The following PTPRJ variants were observed in gnomAD, a reference collection of about 807,000 sequenced individuals.
The protein encoded by PTPRJ is receptor-type tyrosine-protein phosphatase eta.
In PTPRJ, 129 loss-of-function variants were observed where a neutral mutation model predicts 141.3. That is an observed-to-expected ratio of 0.91 (90% CI 0.79 to 1.06). The LOEUF (loss-of-function observed/expected upper bound fraction) is 1.06, where lower values mean the gene tolerates loss of function less well. Among genes scored for constraint, PTPRJ ranks in the 50% least tolerant of loss-of-function variants. The pLI, the probability that PTPRJ is intolerant of heterozygous loss-of-function variation, is 0.00. For missense variants in PTPRJ, 1,601 were observed against 1,679.7 expected (o/e 0.95, Z 0.82); for synonymous variants, 610 against 640.5 (o/e 0.95, Z 0.72).
chr11:48,127,003 G>A (rs550196033), intron 6 of PTPRJ, among the ~76,000 whole-genome samples: 1 of 152,192 alleles, frequency 6.6e-6, no homozygotes, highest in Non-Finnish European at 1.5e-5. Context: ...AGTGAGAGCT[G>A]GGGCAGTGGT....
chr11:48,117,962 G>A (rs1318924885), intron 3 of PTPRJ, among the ~76,000 whole-genome samples: 2 of 152,024 alleles, frequency 1.3e-5, no homozygotes, highest in African/African-American at 2.4e-5. Flanking sequence ...TAGAAGAAAT[G>A]GATAAATTCC....
chr11:48,047,573 A>T (rs1436629947), intron 1 of PTPRJ, among the ~76,000 whole-genome samples: 1 of 150,328 alleles, frequency 6.7e-6, no homozygotes, highest in Non-Finnish European at 1.5e-5. Context: ...GTGGGATCTC[A>T]GCTCACTGCA....
chr11:48,016,484 C>T lies in PTPRJ; in HGVS notation c.96+35476C>T, dbSNP rs140110891. Among the ~76,000 whole-genome samples, 47 of 152,318 alleles carry T rather than the reference C, an allele frequency of 3.1e-4. 2 individuals carry two copies. Among genetic ancestry groups the T allele is most frequent in the African/African-American group, 8.4e-4 (35 of 41,574 alleles). On this transcript the variant is annotated intron_variant, in intron 1 of 24. Coordinates refer to ENST00000418331, the MANE Select transcript of PTPRJ (RefSeq NM_002843.4). ...GCCAGACAGTTCCAATGTGAACCCA[C>T]GGTACCTTCTGCGGGAGAAAAGGTG...
At chr11:48,125,220 A>T (rs372253165) in intron 6 of PTPRJ, 34 bp downstream of exon 6, 1 of 1,600,682 alleles carries the variant, frequency 6.2e-7, no homozygotes, top group Non-Finnish European at 8.6e-7. Context: ...TGGCAGCCAG[A>T]GTTTCCTAGC....
rs572867155 is a variant in PTPRJ at position 48,024,952 on chromosome 11, G to C, written c.96+43944G>C. 2.3e-3 allele frequency among the ~76,000 whole-genome samples: 356 copies of C among 152,352 alleles called. 1 individual carries two copies. The highest frequency in any genetic ancestry group is 4.0e-3 in the Non-Finnish European group (272 of 68,034). ...CTCGGGTGATAGAAGGGAAAGTAAA[G>C]GTATATTAAATTTCTTCTAGGCTTG... is the stretch of plus-strand genomic sequence containing the variant. On this transcript the variant is annotated intron_variant, in intron 1 of 24. Coordinates refer to ENST00000418331, the MANE Select transcript of PTPRJ (RefSeq NM_002843.4).
chr11:48,038,272 C>T (rs1023663115), intron 1 of PTPRJ, among the ~76,000 whole-genome samples: 1 of 152,072 alleles, frequency 6.6e-6, no homozygotes, highest in Middle Eastern at 3.2e-3. Flanking sequence ...CTTAATACTT[C>T]CAGTGGTGAG....
chr11:48,155,020 C>A (rs370798286), intron 19 of PTPRJ, among the ~76,000 whole-genome samples: 1 of 152,118 alleles, frequency 6.6e-6, no homozygotes, highest in Non-Finnish European at 1.5e-5. Flanking sequence ...CAATCAGAGA[C>A]GGGGAAACTG....
At chr11:48,092,503 CA>C in intron 1 of PTPRJ, among the ~76,000 whole-genome samples, 1 of 151,650 alleles carries the variant, frequency 6.6e-6, no homozygotes, top group South Asian at 2.1e-4. Context: ...GATCTTGGCT[CA>C]CTGCAACTTC....
At chr11:48,152,907 C>T (rs1276394196) in intron 18 of PTPRJ, among the ~76,000 whole-genome samples, 1 of 152,188 alleles carries the variant, frequency 6.6e-6, no homozygotes, top group African/African-American at 2.4e-5. Context: ...CTTGGCAGTG[C>T]AGGCTTGTAA....
intron 1 of PTPRJ, among the ~76,000 whole-genome samples, chr11:48,021,313 G>A (rs1219077901): frequency 1.3e-5 from 2 of 151,868 alleles, no homozygotes; most frequent in African/African-American, 4.8e-5. Flanking sequence ...GGCGGAGGTT[G>A]CAGTGAGCCA....
At chr11:48,126,239 C>T (rs891010600) in intron 6 of PTPRJ, among the ~76,000 whole-genome samples, 4 of 151,866 alleles carry the variant, frequency 2.6e-5, no homozygotes, top group Non-Finnish European at 5.9e-5. Flanking sequence ...GCCTGGGGTC[C>T]CTGCTTTTTA....
In PTPRJ at chr11:48,117,794, T is replaced by G. The variant is rs1468118873; in HGVS notation, c.353-3209T>G. ...AGAAAAGATCAATAAACTAAGTTGT[T>G]TTTTTGAAAACAAAGAACATTGACA... On this transcript the variant is annotated intron_variant, in intron 3 of 24. Transcript: ENST00000418331. Among the ~76,000 whole-genome samples, 3 of 151,936 alleles carry G rather than the reference T, an allele frequency of 2.0e-5. No homozygotes were observed. In the East Asian group the frequency reaches 5.8e-4, roughly 29 times the overall value.
chr11:48,094,069 A>G (rs1371094084), intron 1 of PTPRJ, among the ~76,000 whole-genome samples: 1 of 152,212 alleles, frequency 6.6e-6, no homozygotes, highest in African/African-American at 2.4e-5. Flanking sequence ...GATGCATGCA[A>G]TAGAAGAGCT....
At chr11:48,076,587 T>C (rs992576876) in intron 1 of PTPRJ, among the ~76,000 whole-genome samples, 2 of 152,028 alleles carry the variant, frequency 1.3e-5, no homozygotes, top group Admixed American at 6.6e-5. Flanking sequence ...CTTCAAAGAG[T>C]TGACTTCAAA....
At chr11:48,160,120 G>A in intron 22 of PTPRJ, 71 bp downstream of exon 22, 2 of 1,562,710 alleles carry the variant, frequency 1.3e-6, no homozygotes, top group Non-Finnish European at 1.8e-6. Context: ...ATATGTTTTA[G>A]GTTGATATTA....
At chr11:48,143,944 C>G (rs1007726247) in intron 12 of PTPRJ, among the ~76,000 whole-genome samples, 5 of 151,312 alleles carry the variant, frequency 3.3e-5, no homozygotes, top group African/African-American at 9.7e-5. Flanking sequence ...GTCTTGAACT[C>G]CTGGACTCAA....
chr11:48,154,034 C>T, intron 19 of PTPRJ, 148 bp downstream of exon 19: 3 of 687,124 alleles, frequency 4.4e-6, no homozygotes, highest in Non-Finnish European at 7.8e-6. Context: ...CCATTATTCA[C>T]CTACTATGTG....
chr11:48,027,830 T>C (rs1590416175), intron 1 of PTPRJ, among the ~76,000 whole-genome samples: 3 of 137,412 alleles, frequency 2.2e-5, no homozygotes, highest in South Asian at 2.3e-4. Flanking sequence ...AAATCTTCAG[T>C]GCAGGGCCTG....
intron 8 of PTPRJ, chr11:48,132,625 T>G (rs1296096785): frequency 1.1e-6 from 1 of 907,314 alleles, no homozygotes; most frequent in African/African-American, 1.8e-5. Context: ...CACACCAACA[T>G]GGCACATGTA....
Sources: gnomAD v4.1 joint callset for allele counts (sites outside exome capture counted in the v4.1 genomes callset) on GRCh38, gnomAD v4.1.1 for gene constraint, MANE v1.5 for transcripts, NCBI Gene and HGNC (gene_info 2026-07-23, HGNC 2026-07-21) for gene names.